FHIT: variants seen among roughly 807,000 people sequenced by gnomAD.
FHIT encodes the protein fragile histidine triad diadenosine triphosphatase, also known as bis(5'-adenosyl)-triphosphatase.
A neutral mutation model predicts 17.9 loss-of-function variants in FHIT; 19 were observed. The observed-to-expected ratio is 1.06, with a 90% CI of 0.74 to 1.56. The LOEUF is 1.56. Among genes scored for constraint, FHIT ranks in the 40% most tolerant of loss-of-function variants. The probability of loss-of-function intolerance (pLI) is 0.00; values close to 1 mark genes in which losing one functional copy is unlikely to be tolerated. For missense variants in FHIT, 248 were observed against 189.2 expected (o/e 1.31, Z -1.82); for synonymous variants, 81 against 69.7 (o/e 1.16, Z -0.81).
rs114704964 is a variant in FHIT, at chr3:60,707,484, T to C, written c.-18+114435A>G. Among the ~76,000 whole-genome samples, 607 of 152,302 alleles carry C rather than the reference T, an allele frequency of 4.0e-3. 5 individuals carry two copies. Among genetic ancestry groups the C allele is most frequent in the Non-Finnish European group, 5.8e-3 (392 of 68,026 alleles). On this transcript the variant is annotated intron_variant, in intron 4 of 9. Coordinates refer to ENST00000492590, the MANE Select transcript of FHIT (RefSeq NM_002012.4). ...CAACTTTAACTAGGTGGAATTTTCA[T>C]GGTTATTTTTAATTTCTAGGCCCAA...
intron 3 of FHIT, among the ~76,000 whole-genome samples, chr3:61,036,344 G>C (rs1309583843): frequency 6.6e-6 from 1 of 151,634 alleles, no homozygotes; most frequent in Non-Finnish European, 1.5e-5. Flanking sequence ...CCCCCTACCA[G>C]GCCCCACCTC....
At chr3:60,107,925 G>C (rs943499478) in intron 5 of FHIT, among the ~76,000 whole-genome samples, 1 of 152,194 alleles carries the variant, frequency 6.6e-6, no homozygotes, top group Admixed American at 6.5e-5. Flanking sequence ...GGCATTATCT[G>C]TTTGACCAGA....
chr3:60,167,939 G>A (rs1014734242), intron 5 of FHIT, among the ~76,000 whole-genome samples: 1 of 152,076 alleles, frequency 6.6e-6, no homozygotes, highest in Admixed American at 6.5e-5. Flanking sequence ...GGGGAAGATG[G>A]GCTGAGCCTG....
chr3:60,120,240 G>A (rs139434856), intron 5 of FHIT, among the ~76,000 whole-genome samples: 1 of 152,296 alleles, frequency 6.6e-6, no homozygotes, highest in East Asian at 1.9e-4. Flanking sequence ...CTCTCTGGCA[G>A]CAGAAACTGG....
At chr3:60,987,217 A>G (rs1045826412) in intron 3 of FHIT, among the ~76,000 whole-genome samples, 3 of 152,194 alleles carry the variant, frequency 2.0e-5, no homozygotes, top group Admixed American at 1.3e-4. Flanking sequence ...TAATGTTGGG[A>G]GCAGGCCCCC....
chr3:60,191,582 C>A (rs576422926), intron 5 of FHIT, among the ~76,000 whole-genome samples: 3 of 152,214 alleles, frequency 2.0e-5, no homozygotes, highest in East Asian at 3.9e-4. Context: ...GAAACAGACT[C>A]AAACACACAG....
chr3:59,957,724 G>C (rs116263642), intron 7 of FHIT, among the ~76,000 whole-genome samples: 1 of 152,310 alleles, frequency 6.6e-6, no homozygotes, highest in African/African-American at 2.4e-5. Flanking sequence ...AATGTGATTA[G>C]CTATGAAGAT....
chr3:60,528,093 C>A (rs116785599), intron 5 of FHIT, among the ~76,000 whole-genome samples: 1 of 152,188 alleles, frequency 6.6e-6, no homozygotes, highest in Non-Finnish European at 1.5e-5. Context: ...CCTACCTCAG[C>A]CTCCCTAGTA....
chr3:60,557,836 TC>T (rs1282629227), intron 4 of FHIT, among the ~76,000 whole-genome samples: 15 of 152,234 alleles, frequency 9.9e-5, no homozygotes, highest in African/African-American at 3.4e-4. Context: ...ATGTGTGTTC[TC>T]CCAGTGCAGA....
At chr3:60,258,866 G>C (rs1013890607) in intron 5 of FHIT, among the ~76,000 whole-genome samples, 3 of 152,040 alleles carry the variant, frequency 2.0e-5, no homozygotes, top group South Asian at 2.1e-4. Flanking sequence ...AATCTTCTTT[G>C]TGTCCCTGTA....
intron 5 of FHIT, among the ~76,000 whole-genome samples, chr3:60,528,212 C>T (rs1003651531): frequency 2.0e-5 from 3 of 152,154 alleles, no homozygotes; most frequent in South Asian, 2.1e-4. Flanking sequence ...CTCAAGTGAT[C>T]CCCCTGCTTC....
At chr3:60,269,697 T>C (rs1357021959) in intron 5 of FHIT, among the ~76,000 whole-genome samples, 3 of 152,232 alleles carry the variant, frequency 2.0e-5, no homozygotes, top group African/African-American at 4.8e-5. Flanking sequence ...GCATTGAGTA[T>C]GTGAAGACTG....
chr3:61,109,064 T>A (rs1234940246), intron 2 of FHIT, among the ~76,000 whole-genome samples: 1 of 152,212 alleles, frequency 6.6e-6, no homozygotes, highest in African/African-American at 2.4e-5. Context: ...CCTAAATGAC[T>A]GGTCTTCTTC....
intron 2 of FHIT, among the ~76,000 whole-genome samples, chr3:61,175,365 C>T (rs2038126452): frequency 6.6e-6 from 1 of 152,128 alleles, no homozygotes; most frequent in African/African-American, 2.4e-5. Context: ...CCATCTTCCA[C>T]CCAGATGCCA....
chr3:60,737,883 C>T (rs1167887296), intron 4 of FHIT, among the ~76,000 whole-genome samples: 4 of 152,150 alleles, frequency 2.6e-5, no homozygotes, highest in Non-Finnish European at 5.9e-5. Context: ...AACCCCAAAG[C>T]AAGGCCATTT....
At chr3:60,043,877 T>C (rs1701545554) in intron 5 of FHIT, among the ~76,000 whole-genome samples, 1 of 152,142 alleles carries the variant, frequency 6.6e-6, no homozygotes, top group Non-Finnish European at 1.5e-5. Context: ...CATCAGACAG[T>C]GGCAGCCTAC....
At chr3:59,977,473 TTG>T (rs1708465522) in intron 7 of FHIT, among the ~76,000 whole-genome samples, 1 of 152,146 alleles carries the variant, frequency 6.6e-6, no homozygotes, top group Non-Finnish European at 1.5e-5. Context: ...GAATCCACCA[TTG>T]GCCACAATAA....
rs562264875 is a variant in FHIT at position 60,481,567 on chromosome 3, G to A, written c.103+55293C>T. 1.2e-4 allele frequency among the ~76,000 whole-genome samples: 18 copies of A among 152,200 alleles called. No homozygotes were observed. The South Asian group carries it at 3.7e-3, about 32-fold the overall frequency. On this transcript the variant is annotated intron_variant, in intron 5 of 9. Transcript: ENST00000492590. Reference sequence around the variant, plus strand: ...TTTTCAACCCAGAATTTCATATCCAGCCAAACTAAACTTCATAAGCATAAG... The same window carrying A: ...TTTTCAACCCAGAATTTCATATCCAACCAAACTAAACTTCATAAGCATAAG...
chr3:60,169,312 AAC>A (rs960040542), intron 5 of FHIT, among the ~76,000 whole-genome samples: 25 of 152,194 alleles, frequency 1.6e-4, no homozygotes, highest in African/African-American at 4.3e-4. Context: ...ATACCCTGAA[AAC>A]AGTGTGGTTA....
Sources: gnomAD v4.1 joint callset for allele counts (sites outside exome capture counted in the v4.1 genomes callset) on GRCh38, gnomAD v4.1.1 for gene constraint, MANE v1.5 for transcripts, NCBI Gene and HGNC (gene_info 2026-07-23, HGNC 2026-07-21) for gene names.